Variants in SH3PXD2A observed in about 807,000 individuals in gnomAD.
SH3PXD2A encodes the protein SH3 and PX domains 2A, also known as SH3 and PX domain-containing protein 2A.
In SH3PXD2A, 32 loss-of-function variants were observed where a neutral mutation model predicts 115.2. That is an observed-to-expected ratio of 0.28 (90% CI 0.21 to 0.37). The LOEUF (loss-of-function observed/expected upper bound fraction) is 0.37, where lower values mean the gene tolerates loss of function less well. Ranked by LOEUF, SH3PXD2A falls within the 10% of genes least tolerant of loss-of-function variation. The pLI, the probability that SH3PXD2A is intolerant of heterozygous loss-of-function variation, is 1.00. For synonymous variants in SH3PXD2A, 610 were observed against 629.1 expected (o/e 0.97, Z 0.45); for missense variants, 1,328 against 1,498.7 (o/e 0.89, Z 1.88).
At chr10:103,844,794 T>G (rs1220554612) in intron 1 of SH3PXD2A, among the ~76,000 whole-genome samples, 1 of 152,162 alleles carries the variant, frequency 6.6e-6, no homozygotes, top group African/African-American at 2.4e-5. Context: ...ATGGCCACCC[T>G]GGGGCCAGAG....
Position 103,661,095 on chromosome 10 carries a change from C to T in SH3PXD2A, c.492G>A (p.Glu164=). The T allele has an allele frequency of 1.2e-6, 2 of 1,613,596 alleles. No homozygotes were observed. Among genetic ancestry groups the T allele is most frequent in the Non-Finnish European group, 1.7e-6 (2 of 1,179,736 alleles). ...CCACGTACTGTTCCAGGATCATGGG[C>T]TCGGCGGTGGCGTCGGCACCTGGCG... ...KDVTGADATA[E]PMILEQYVVV... Residue 164 remains glutamate (E), a synonymous_variant, in exon 8 of 15, where the codon GAG becomes GAA. Transcript: ENST00000369774.
intron 3 of SH3PXD2A, among the ~76,000 whole-genome samples, chr10:103,755,576 G>T (rs1267009285): frequency 6.6e-6 from 1 of 152,134 alleles, no homozygotes. Context: ...GCTGAGTTGG[G>T]ATTTGAACCC....
intron 4 of SH3PXD2A, among the ~76,000 whole-genome samples, chr10:103,725,988 C>G (rs1472356802): frequency 6.6e-6 from 1 of 152,146 alleles, no homozygotes. Context: ...TAGGGTGAGG[C>G]CGGGTGTAGC....
At chr10:103,843,143 A>G (rs2039616561) in intron 1 of SH3PXD2A, among the ~76,000 whole-genome samples, 1 of 152,176 alleles carries the variant, frequency 6.6e-6, no homozygotes, top group Non-Finnish European at 1.5e-5. Flanking sequence ...TATTATACCC[A>G]TTTTACTTAG....
chr10:103,703,871 G>C (rs185924684), intron 5 of SH3PXD2A, among the ~76,000 whole-genome samples: 1 of 152,186 alleles, frequency 6.6e-6, no homozygotes, highest in Admixed American at 6.5e-5. Context: ...GCATGTGTGT[G>C]TATGTGTCTC....
intron 6 of SH3PXD2A, among the ~76,000 whole-genome samples, chr10:103,669,105 G>A (rs1255833301): frequency 6.6e-6 from 1 of 152,186 alleles, no homozygotes; most frequent in Non-Finnish European, 1.5e-5. Flanking sequence ...CAGGGTTGGA[G>A]CACCCAGGAC....
chr10:103,615,493 T>TGTGTGTGGGG (rs1479870148), intron 11 of SH3PXD2A, among the ~76,000 whole-genome samples: 2 of 67,002 alleles, frequency 3.0e-5, no homozygotes, highest in African/African-American at 1.4e-4. Flanking sequence ...GGTGTGTGTG[T>TGTGTGTGGGG]GTGTGTGTGT....
At chr10:103,706,438 C>T (rs908163010) in intron 5 of SH3PXD2A, among the ~76,000 whole-genome samples, 4 of 152,206 alleles carry the variant, frequency 2.6e-5, no homozygotes, top group Admixed American at 1.3e-4. Flanking sequence ...CAGCCTAATA[C>T]ACTTTCTGGC....
intron 5 of SH3PXD2A, among the ~76,000 whole-genome samples, chr10:103,717,600 T>TA (rs1353334047): frequency 2.6e-5 from 4 of 152,168 alleles, no homozygotes; most frequent in African/African-American, 4.8e-5. Flanking sequence ...CGGCCAGATC[T>TA]TTCTCCCACC....
chr10:103,723,808 T>C (rs2038209572), intron 5 of SH3PXD2A, among the ~76,000 whole-genome samples: 1 of 152,244 alleles, frequency 6.6e-6, no homozygotes, highest in Non-Finnish European at 1.5e-5. Context: ...TTTTTTATGA[T>C]GATTATAAAA....
chr10:103,843,298 C>G (rs546169205), intron 1 of SH3PXD2A, among the ~76,000 whole-genome samples: 17 of 152,330 alleles, frequency 1.1e-4, no homozygotes, highest in African/African-American at 3.6e-4. Flanking sequence ...CCCTCAACTT[C>G]CAACTGCTGG....
chr10:103,719,721 C>CTTTTTTTTTTTTTTTTTTTTTT (rs11438501), intron 5 of SH3PXD2A, among the ~76,000 whole-genome samples: 6 of 114,722 alleles, frequency 5.2e-5, no homozygotes, highest in Non-Finnish European at 1.0e-4. Flanking sequence ...TTTTTTCTTT[C>CTTTTTTTTTTTTTTTTTTTTTT]TTTTTTTTTT....
At chr10:103,644,114 C>CA (rs71019685) in intron 8 of SH3PXD2A, among the ~76,000 whole-genome samples, 829 of 72,212 alleles carry the variant, frequency 0.011, 1 homozygote, top group Non-Finnish European at 0.017. Flanking sequence ...GGCTCCATCC[C>CA]AAAAAAAAAA....
rs759644147 is a variant in SH3PXD2A at position 103,613,026 on chromosome 10, G to A, written c.1085C>T (p.Pro362Leu). The A allele has an allele frequency of 7.4e-6, 12 of 1,614,242 alleles. No homozygotes were observed. Among genetic ancestry groups the A allele is most frequent in the Middle Eastern group, 1.6e-4 (1 of 6,062 alleles). Residue 362 changes from proline (P) to leucine (L), a missense_variant, in exon 12 of 15, where the codon CCA (proline) becomes CTA (leucine). Around this residue, in one of 5 missense-constraint regions of SH3PXD2A, gnomAD observed 509 missense variants for 628.3 expected, o/e 0.81. Coordinates refer to ENST00000369774, the MANE Select transcript of SH3PXD2A (RefSeq NM_001394015.1). ...NKKASGDKETPPAEGEGHEAP... is the reference protein window; with the variant it reads ...NKKASGDKETLPAEGEGHEAP... ...CTCATGGCCCTCGCCTTCGGCTGGTGGAGTTTCCTTGTCCCCAGACGCCTT... is the reference window on the plus strand; with the variant it reads ...CTCATGGCCCTCGCCTTCGGCTGGTAGAGTTTCCTTGTCCCCAGACGCCTT...
At chr10:103,769,023 C>G (rs2038787716) in intron 2 of SH3PXD2A, among the ~76,000 whole-genome samples, 1 of 151,976 alleles carries the variant, frequency 6.6e-6, no homozygotes, top group African/African-American at 2.4e-5. Context: ...GATCAGCCCT[C>G]ATGACCCAAA....
intron 2 of SH3PXD2A, among the ~76,000 whole-genome samples, chr10:103,790,770 C>G (rs972069324): frequency 1.5e-4 from 23 of 152,158 alleles, no homozygotes; most frequent in African/African-American, 5.6e-4. Context: ...GGGTACAGGA[C>G]AGGAGAATGC....
At chr10:103,832,226 TC>T (rs1358468710) in intron 1 of SH3PXD2A, among the ~76,000 whole-genome samples, 6 of 152,018 alleles carry the variant, frequency 3.9e-5, no homozygotes, top group African/African-American at 1.5e-4. Flanking sequence ...ACTTAACCTA[TC>T]CCATTCTGAC....
At chr10:103,829,738 C>T (rs1482608066) in intron 1 of SH3PXD2A, among the ~76,000 whole-genome samples, 1 of 152,170 alleles carries the variant, frequency 6.6e-6, no homozygotes. Flanking sequence ...TGGAACAAGG[C>T]AAGGTAAAAG....
In SH3PXD2A at chr10:103,602,355, C is replaced by G. The variant is rs138239379; in HGVS notation, c.2863G>C (p.Gly955Arg). The G allele has an allele frequency of 3.7e-6, 6 of 1,613,506 alleles. No individual in the cohort carries two copies. Among genetic ancestry groups the G allele is most frequent in the Non-Finnish European group, 4.2e-6 (5 of 1,179,794 alleles). ...GTGCCTGAGGTCTTGCCGAAGCCCC[C>G]GGGAGGTTTGGAGGGGATGGGGGGC... ...ATPPIPSKPP[G>R]GFGKTSGTPA... The change falls in exon 15 of 15, where the codon GGG becomes CGG. Residue 955 changes from glycine to arginine, a missense_variant. By Grantham distance (125) the Gly-to-Arg change is moderately radical. Transcript: ENST00000369774.
Sources: allele counts gnomAD v4.1 joint callset (sites outside exome capture counted in the v4.1 genomes callset), GRCh38; gene constraint gnomAD v4.1.1; regional missense constraint gnomAD v4.1.1; transcripts MANE v1.5; gene names NCBI Gene and HGNC (gene_info 2026-07-23, HGNC 2026-07-21).